The following MICAL3 variants were observed in gnomAD, a reference collection of about 807,000 sequenced individuals.
MICAL3 encodes the protein [F-actin]-monooxygenase MICAL3.
MICAL3 carries 62 observed loss-of-function variants against 207.4 expected under a neutral mutation model. That is an observed-to-expected ratio of 0.30 (90% CI 0.24 to 0.37). The LOEUF is 0.37. MICAL3 is among the 10% of genes least tolerant of loss of function. The pLI is 1.00. For synonymous variants in MICAL3, 1,077 were observed against 1,069.3 expected, an observed-to-expected ratio of 1.01 and a Z score of -0.14; for missense variants, 2,368 against 2,635.6, an observed-to-expected ratio of 0.90 and a Z score of 2.22.
chr22:17,876,290 T>C (rs1343354589), intron 16 of MICAL3: 1 of 152,222 alleles, frequency 6.6e-6, no homozygotes, highest in Non-Finnish European at 1.5e-5. Flanking sequence ...CAATAACTGC[T>C]TCATTTCCCA....
chr22:18,022,834 A>C (rs1924573171), intron 1 of MICAL3, among the ~76,000 whole-genome samples: 1 of 152,214 alleles, frequency 6.6e-6, no homozygotes, highest in Non-Finnish European at 1.5e-5. Context: ...AAGTCCACAA[A>C]TGTACAGGGA....
intron 19 of MICAL3, chr22:17,864,541 G>A (rs931329872): frequency 1.3e-5 from 19 of 1,440,612 alleles, no homozygotes; most frequent in South Asian, 2.9e-5. Flanking sequence ...GTGTCTGAGC[G>A]CCTGCGAGCT....
chr22:17,793,062 G>A lies in MICAL3; in HGVS notation c.5651-1761C>T, dbSNP rs1237587753. On this transcript the variant is annotated intron_variant, in intron 29 of 31. Coordinates refer to ENST00000441493, the MANE Select transcript of MICAL3 (RefSeq NM_015241.3). The surrounding 1 kb of genome is among the most constrained non-coding windows in gnomAD (Gnocchi z 4.1). ...AGATACAGAAAATGCCACCGGAGAC[G>A]TGCGGACAGCGCTCACTAGCTATGG... 2.0e-5 allele frequency among the ~76,000 whole-genome samples: 3 copies of A among 152,228 alleles called. No individual in the cohort carries two copies. Among genetic ancestry groups the A allele is most frequent in the Non-Finnish European group, 2.9e-5 (2 of 68,042 alleles).
At position 17,796,165 on chromosome 22, in the gene MICAL3, C is replaced by T. The variant is rs547655879; in HGVS notation, c.5651-4864G>A. On this transcript the variant is annotated intron_variant, in intron 29 of 31. Transcript: ENST00000441493. This position sits in a 1 kb window ranked among gnomAD's most constrained non-coding sequence, Gnocchi z 4.4. ...CAGTGAGCGGGTCCTGGTCAGAGGACCCCTCCTCCCTGGAGCACTCTGCTG... is the reference window on the plus strand; with the variant it reads ...CAGTGAGCGGGTCCTGGTCAGAGGATCCCTCCTCCCTGGAGCACTCTGCTG... Among the ~76,000 whole-genome samples, 6 of 152,330 alleles carry T rather than the reference C, an allele frequency of 3.9e-5. No homozygotes were observed. The highest frequency in any genetic ancestry group is 3.9e-4 in the Admixed American group (6 of 15,310).
chr22:17,864,907 C>T lies in MICAL3; in HGVS notation c.2597G>A (p.Arg866Lys). The T allele has an allele frequency of 6.2e-7, 1 of 1,613,810 alleles. No individual in the cohort carries two copies. Residue 866 changes from arginine to lysine, a missense_variant, in exon 19 of 32, where the codon AGA becomes AAA. By Grantham distance (26) the Arg-to-Lys change is conservative. Transcript: ENST00000441493. ...RANAVASSTE[R>K]TPGSGVNGLE... ...CAAGGAAGTGAGGCTACCTGGGGTTCTCTCAGTGGAGCTGGCCACGGCGTT... is the reference window on the plus strand; with the variant it reads ...CAAGGAAGTGAGGCTACCTGGGGTTTTCTCAGTGGAGCTGGCCACGGCGTT...
At position 17,791,613 on chromosome 22, in the gene MICAL3, C is replaced by CCT. The variant is rs142520048; in HGVS notation, c.5651-314_5651-313dup. The CCT allele has an allele frequency of 2.2e-3, 848 of 386,284 alleles. 8 individuals are homozygous for CCT. Among genetic ancestry groups the CCT allele is most frequent in the African/African-American group, 0.015 (724 of 49,472 alleles). 23.9% of individuals were successfully genotyped at this position (386,284 alleles called of 1,614,324 possible). A position where few individuals can be genotyped will look rare whatever the true frequency, so the allele number is the denominator to read the frequency against. On this transcript the variant is annotated intron_variant, in intron 29 of 31. Coordinates refer to ENST00000441493, the MANE Select transcript of MICAL3 (RefSeq NM_015241.3). The stretch of plus-strand genomic sequence containing the variant: ...TCTTAGGATGACTTACATTGCTTTC[C>CCT]CTCTTTTTTGCCACTCAATGTTTAT...
intron 1 of MICAL3, among the ~76,000 whole-genome samples, chr22:17,961,168 A>G (rs1307003322): frequency 6.6e-6 from 1 of 152,154 alleles, no homozygotes; most frequent in Non-Finnish European, 1.5e-5. Flanking sequence ...CCTAGGAGTC[A>G]GTGTAGGTTG....
In MICAL3 at chr22:17,893,909, C is replaced by A. The variant is rs1930600297; in HGVS notation, c.1450-5G>T. On this transcript the variant is annotated splice_region_variant and splice_polypyrimidine_tract_variant and intron_variant, in intron 10 of 31. Transcript: ENST00000441493. Reference sequence around the variant, plus strand: ...AGTATCATATAAATGGCGCACCTGGCAGAAATTTACAAAGTCAAACAGAAA... The same window carrying A: ...AGTATCATATAAATGGCGCACCTGGAAGAAATTTACAAAGTCAAACAGAAA... The A allele has an allele frequency of 2.6e-6, 4 of 1,542,470 alleles. No homozygotes were observed. The highest frequency in any genetic ancestry group is 3.5e-6 in the Non-Finnish European group (4 of 1,138,104).
intron 20 of MICAL3, among the ~76,000 whole-genome samples, chr22:17,836,966 C>A (rs1445754893): frequency 6.6e-6 from 1 of 152,186 alleles, no homozygotes; most frequent in Non-Finnish European, 1.5e-5. Context: ...TTTTAAAGGG[C>A]AATGGGTAAC....
intron 29 of MICAL3, among the ~76,000 whole-genome samples, chr22:17,792,257 T>C (rs939584543): frequency 5.9e-5 from 9 of 152,220 alleles, no homozygotes; most frequent in Non-Finnish European, 1.3e-4. Flanking sequence ...CTCTTCAATA[T>C]TTTTGGATTA....
At position 17,831,879 on chromosome 22, in the gene MICAL3, G is replaced by A. The variant is rs551069272; in HGVS notation, c.3030C>T (p.Asp1010=). The A allele has an allele frequency of 1.0e-5, 16 of 1,553,056 alleles. No homozygotes were observed. Among genetic ancestry groups the A allele is most frequent in the South Asian group, 2.4e-5 (2 of 84,106 alleles). The change falls in exon 21 of 32, where the codon GAC becomes GAT. Residue 1010 remains aspartate (D), a synonymous_variant. Transcript: ENST00000441493. The part of the protein sequence containing the change: ...EYEEEEEEDY[D]EEEEESSEAG... ...CTTCACTGGACTCTTCCTCCTCCTC[G>A]TCATAGTCCTCCTCCTCCTCCTCTT...
At chr22:17,836,905 A>C (rs1016112123) in intron 20 of MICAL3, among the ~76,000 whole-genome samples, 7 of 152,124 alleles carry the variant, frequency 4.6e-5, no homozygotes, top group Non-Finnish European at 8.8e-5. Flanking sequence ...TCGGCCTCCA[A>C]AAGTGCTGGG....
intron 29 of MICAL3, among the ~76,000 whole-genome samples, chr22:17,800,385 G>A (rs1000524363): frequency 2.6e-5 from 4 of 152,150 alleles, no homozygotes; most frequent in Non-Finnish European, 5.9e-5. Context: ...AGGGTCCCAG[G>A]GCAGAAGAAA....
rs762092208 is a variant in MICAL3 at position 17,881,145 on chromosome 22, C to CA, written c.2241+4732dup. On this transcript the variant is annotated intron_variant, in intron 16 of 31. Transcript: ENST00000441493. The stretch of plus-strand genomic sequence containing the variant: ...AAAGTGACTTGGTCTCTACACTAGC[C>CA]ACCTACACAGACAGGCAGGCAGACA... The CA allele has an allele frequency of 1.7e-4, 237 of 1,363,668 alleles. 6 individuals carry two copies. In the South Asian group the frequency reaches 2.6e-3, roughly 15 times the overall value. The allele number at this position is 1,363,668 out of a possible 1,614,324, so 84.5% of individuals were successfully genotyped here.
At chr22:17,810,527 C>G (rs2062036747) in intron 28 of MICAL3, among the ~76,000 whole-genome samples, 176 bp downstream of exon 28, 1 of 152,228 alleles carries the variant, frequency 6.6e-6, no homozygotes, top group Non-Finnish European at 1.5e-5. Flanking sequence ...GACAGCTCCA[C>G]CAAGGCAGGG....
At chr22:17,922,413 T>C (rs1160495105) in intron 1 of MICAL3, among the ~76,000 whole-genome samples, 7 of 152,130 alleles carry the variant, frequency 4.6e-5, no homozygotes, top group Non-Finnish European at 7.4e-5. Context: ...TTGGACAATT[T>C]AGGGGGTGTA....
chr22:17,849,683 TGTG>T (rs1925065639), intron 19 of MICAL3, among the ~76,000 whole-genome samples: 3 of 125,864 alleles, frequency 2.4e-5, no homozygotes, highest in African/African-American at 9.4e-5. Flanking sequence ...TGTGTGTGTG[TGTG>T]TATTTTTTTT....
At chr22:17,860,010 C>T in intron 19 of MICAL3, 1 of 181,862 alleles carries the variant, frequency 5.5e-6, no homozygotes, top group Non-Finnish European at 1.1e-5. Flanking sequence ...ATTTCCCCCA[C>T]TTTGCACCTC....
intron 15 of MICAL3, among the ~76,000 whole-genome samples, chr22:17,886,837 C>T (rs1929915569): frequency 2.0e-5 from 3 of 146,968 alleles, no homozygotes; most frequent in African/African-American, 5.0e-5. Flanking sequence ...CAAAAATTAG[C>T]TGGGTGTGGT....
Sources: allele counts gnomAD v4.1 joint callset (sites outside exome capture counted in the v4.1 genomes callset), GRCh38; gene constraint gnomAD v4.1.1; non-coding constraint Gnocchi (gnomAD v3.1); transcripts MANE v1.5; gene names NCBI Gene and HGNC (gene_info 2026-07-23, HGNC 2026-07-21).